Variants in INTS4 observed in about 807,000 individuals in gnomAD.
The protein encoded by INTS4 is integrator complex subunit 4, also known as MSTP093.
A neutral mutation model predicts 119.5 loss-of-function variants in INTS4; 70 were observed. The observed-to-expected ratio is 0.59, with a 90% CI of 0.48 to 0.71. The LOEUF (loss-of-function observed/expected upper bound fraction) is 0.71, where lower values mean the gene tolerates loss of function less well. Ranked by LOEUF, INTS4 falls within the 30% of genes least tolerant of loss-of-function variation. The pLI, the probability that INTS4 is intolerant of heterozygous loss-of-function variation, is 0.00. For missense variants in INTS4, 867 were observed against 1,173.2 expected (o/e 0.74, Z 3.81); for synonymous variants, 316 against 419.6 (o/e 0.75, Z 3.02).
In INTS4 at chr11:77,928,032, T is replaced by G. The variant is rs896666471; in HGVS notation, c.1371+310A>C. On this transcript the variant is annotated intron_variant, in intron 11 of 22. Coordinates refer to ENST00000534064, the MANE Select transcript of INTS4 (RefSeq NM_033547.4). ...AAGAAGAAGGCAAAAAAAAGCCTAGTTAAGTCCTACTCCTCCTTCAAGTGT... is the reference window on the plus strand; with the variant it reads ...AAGAAGAAGGCAAAAAAAAGCCTAGGTAAGTCCTACTCCTCCTTCAAGTGT... 2.4e-4 allele frequency among the ~76,000 whole-genome samples: 37 copies of G among 152,136 alleles called. 1 individual carries two copies. Among genetic ancestry groups the G allele is most frequent in the Non-Finnish European group, 1.3e-4 (9 of 68,018 alleles).
chr11:77,887,687 C>T (rs1952076553), intron 21 of INTS4, among the ~76,000 whole-genome samples: 1 of 152,052 alleles, frequency 6.6e-6, no homozygotes, highest in South Asian at 2.1e-4. Flanking sequence ...CGTCTCAGCC[C>T]AAAATCTCCT....
chr11:77,959,019 T>C (rs2136578272), intron 6 of INTS4, among the ~76,000 whole-genome samples, 185 bp from the exon 7 acceptor site: 1 of 152,330 alleles, frequency 6.6e-6, no homozygotes. Context: ...CTGGCTGTAT[T>C]CTGACTATGC....
intron 1 of INTS4, among the ~76,000 whole-genome samples, chr11:77,992,408 A>G (rs1031671637): frequency 2.0e-5 from 3 of 151,834 alleles, no homozygotes; most frequent in Admixed American, 2.0e-4. Context: ...GAAGAAAAGG[A>G]AACAAATATC....
At chr11:77,876,886 G>T (rs916548984), downstream of INTS4, 2 of 678,382 alleles carry the variant, frequency 2.9e-6, no homozygotes, top group African/African-American at 3.6e-5. Flanking sequence ...CCCTTAGAAG[G>T]TTTTCTATAA....
chr11:77,957,663 CTTTTTT>C (rs1159914263), intron 7 of INTS4, among the ~76,000 whole-genome samples: 3 of 110,706 alleles, frequency 2.7e-5, no homozygotes, highest in Non-Finnish European at 3.6e-5. Context: ...AACTGAACTT[CTTTTTT>C]TTTTTTTTTT....
At chr11:77,951,965 T>C (rs1432499825) in intron 8 of INTS4, among the ~76,000 whole-genome samples, 5 of 152,096 alleles carry the variant, frequency 3.3e-5, no homozygotes. Flanking sequence ...CATAATGAGA[T>C]ACCATCTCAC....
At chr11:77,917,432 A>G (rs923102048) in intron 15 of INTS4, among the ~76,000 whole-genome samples, 6 of 151,290 alleles carry the variant, frequency 4.0e-5, no homozygotes, top group Admixed American at 6.6e-5. Flanking sequence ...TTGTGCCTCA[A>G]TCTCCCAAGT....
intron 15 of INTS4, among the ~76,000 whole-genome samples, chr11:77,909,234 T>C (rs1365157574): frequency 6.6e-6 from 1 of 152,248 alleles, no homozygotes; most frequent in East Asian, 1.9e-4. Context: ...AGGTCCTCAA[T>C]GATATAAATA....
intron 15 of INTS4, among the ~76,000 whole-genome samples, chr11:77,916,703 T>A (rs1953212389): frequency 6.6e-6 from 1 of 152,228 alleles, no homozygotes; most frequent in African/African-American, 2.4e-5. Flanking sequence ...GAAACTGACA[T>A]GCTCAGTTAT....
chr11:77,956,156 C>T, intron 7 of INTS4, 94 bp from the exon 8 acceptor site: 2 of 1,469,842 alleles, frequency 1.4e-6, no homozygotes, highest in South Asian at 1.4e-5. Context: ...CATCTATAAT[C>T]CCAACACTTT....
chr11:77,932,959 G>A (rs1277807162), intron 10 of INTS4, among the ~76,000 whole-genome samples: 8 of 148,772 alleles, frequency 5.4e-5, no homozygotes, highest in Non-Finnish European at 8.9e-5. Context: ...GGCCTGTCAG[G>A]GGGTGGGGGG....
chr11:77,891,991 C>T (rs1055383586), intron 19 of INTS4, 151 bp from the exon 20 acceptor site: 16 of 1,173,176 alleles, frequency 1.4e-5, no homozygotes, highest in African/African-American at 1.1e-4. Context: ...GGTACCTATA[C>T]AATCATGCCT....
chr11:77,911,539 T>C (rs1264047464), intron 15 of INTS4, among the ~76,000 whole-genome samples: 3 of 152,260 alleles, frequency 2.0e-5, no homozygotes, highest in Non-Finnish European at 4.4e-5. Context: ...CCCGGAATTG[T>C]AGCAGTTGTT....
In INTS4 at chr11:77,897,493, GTTA is replaced by G. The variant is rs369228479; in HGVS notation, c.2229-3147_2229-3145del. ...ATAATCAGCTGAAACAAACCTCCAA[GTTA>G]TTATTATTATTATTTTTTTTTTGAG... On this transcript the variant is annotated intron_variant, in intron 18 of 22. Coordinates refer to ENST00000534064, the MANE Select transcript of INTS4 (RefSeq NM_033547.4). 2.4e-3 allele frequency among the ~76,000 whole-genome samples: 356 copies of G among 150,858 alleles called. 4 individuals are homozygous for G. Among genetic ancestry groups the G allele is most frequent in the African/African-American group, 8.0e-3 (327 of 41,026 alleles).
chr11:77,887,623 A>T (rs545479840), intron 21 of INTS4, among the ~76,000 whole-genome samples: 1 of 152,304 alleles, frequency 6.6e-6, no homozygotes, highest in East Asian at 1.9e-4. Flanking sequence ...GAAAAGAGGA[A>T]GTCAAATTGT....
intron 15 of INTS4, among the ~76,000 whole-genome samples, chr11:77,912,140 T>C (rs569555209): frequency 7.9e-5 from 12 of 151,992 alleles, no homozygotes; most frequent in African/African-American, 2.7e-4. Context: ...GGTGGGTGGA[T>C]TGCCTGAGCT....
At chr11:77,981,684 C>T in intron 2 of INTS4, 108 bp from the exon 3 acceptor site, 1 of 477,838 alleles carries the variant, frequency 2.1e-6, no homozygotes, top group East Asian at 3.2e-5. Context: ...TCCAAGTATT[C>T]TATGGCATCA....
chr11:77,957,305 C>G (rs1206449039), intron 7 of INTS4, among the ~76,000 whole-genome samples: 1 of 151,978 alleles, frequency 6.6e-6, no homozygotes, highest in Non-Finnish European at 1.5e-5. Flanking sequence ...TCCCAGCACA[C>G]TGAGATACTG....
chr11:77,955,243 G>C (rs1479464439), intron 8 of INTS4, among the ~76,000 whole-genome samples: 1 of 152,176 alleles, frequency 6.6e-6, no homozygotes, highest in Non-Finnish European at 1.5e-5. Context: ...AGGCTGAGGT[G>C]GAAGGATTGC....
Sources: allele counts gnomAD v4.1 joint callset (sites outside exome capture counted in the v4.1 genomes callset), GRCh38; gene constraint gnomAD v4.1.1; transcripts MANE v1.5; gene names NCBI Gene and HGNC (gene_info 2026-07-23, HGNC 2026-07-21).